GRIN2A: variants seen among roughly 807,000 people sequenced by gnomAD.
The protein encoded by GRIN2A is glutamate receptor ionotropic, NMDA 2A.
In GRIN2A, 22 loss-of-function variants were observed where a neutral mutation model predicts 113.4. That is an observed-to-expected ratio of 0.19 (90% CI 0.14 to 0.28). GRIN2A has a LOEUF of 0.28. GRIN2A is among the 10% of genes least tolerant of loss of function. The pLI is 1.00. For missense variants in GRIN2A, 1,502 were observed against 1,887.0 expected (o/e 0.80, Z 3.78); for synonymous variants, 827 against 738.4 (o/e 1.12, Z -1.94).
At chr16:10,001,343 G>A (rs2046316361) in intron 2 of GRIN2A, among the ~76,000 whole-genome samples, 2 of 152,140 alleles carry the variant, frequency 1.3e-5, no homozygotes, top group Non-Finnish European at 2.9e-5. Context: ...GGATTCACCT[G>A]GTTGCAAGTG....
At chr16:10,066,620 A>T (rs2047653939) in intron 2 of GRIN2A, among the ~76,000 whole-genome samples, 1 of 152,158 alleles carries the variant, frequency 6.6e-6, no homozygotes, top group African/African-American at 2.4e-5. Context: ...CCATGTTTCC[A>T]CCCAGGATCT....
chr16:10,137,406 C>T (rs2049218873), intron 2 of GRIN2A, among the ~76,000 whole-genome samples: 1 of 152,192 alleles, frequency 6.6e-6, no homozygotes, highest in Non-Finnish European at 1.5e-5. Context: ...TTCCTATTTT[C>T]TCCATCTTAG....
chr16:10,078,843 G>A (rs923422716), intron 2 of GRIN2A, among the ~76,000 whole-genome samples: 3 of 152,204 alleles, frequency 2.0e-5, no homozygotes, highest in African/African-American at 4.8e-5. Context: ...CCCGGAAAGG[G>A]AGCATGCTGA....
At chr16:9,778,977 C>G (rs1292731557) in intron 11 of GRIN2A, among the ~76,000 whole-genome samples, 1 of 152,178 alleles carries the variant, frequency 6.6e-6, no homozygotes, top group South Asian at 2.1e-4. Flanking sequence ...ACATCCTGGG[C>G]AGGGAGGGTG....
intron 9 of GRIN2A, among the ~76,000 whole-genome samples, chr16:9,825,669 T>C (rs2042374823): frequency 6.6e-6 from 1 of 152,164 alleles, no homozygotes; most frequent in Admixed American, 6.6e-5. Flanking sequence ...TAGTACAGTC[T>C]TCTGTTGGTG....
chr16:10,139,996 A>G (rs1471984246), intron 2 of GRIN2A, among the ~76,000 whole-genome samples: 5 of 152,130 alleles, frequency 3.3e-5, no homozygotes, highest in African/African-American at 1.2e-4. Context: ...TAAATGAGAA[A>G]TAGGAATCTA....
chr16:9,976,431 C>T (rs1003275828), intron 2 of GRIN2A, among the ~76,000 whole-genome samples: 3 of 152,170 alleles, frequency 2.0e-5, no homozygotes, highest in African/African-American at 7.2e-5. Flanking sequence ...GCTGCCAGAT[C>T]CCGGTGTTCT....
In GRIN2A at chr16:9,763,921, C is replaced by A. The variant is rs780055204; in HGVS notation, c.3623G>T (p.Arg1208Leu). Reference sequence around the variant, plus strand: ...GCTTCTGCAGTGCGTGGAGTTCTGCCGGTATCGCTCGCTGGTCTCACTGTG... The same window carrying A: ...GCTTCTGCAGTGCGTGGAGTTCTGCAGGTATCGCTCGCTGGTCTCACTGTG... Reference protein sequence around the residue: ...SPHSETSERYRQNSTHCRSCL... With the variant: ...SPHSETSERYLQNSTHCRSCL... The change falls in exon 13 of 13, where the codon CGG (arginine) becomes CTG (leucine). Residue 1208 changes from arginine to leucine, a missense_variant. Transcript: ENST00000330684. 2 of 1,614,018 alleles carry A rather than the reference C, an allele frequency of 1.2e-6. No homozygotes were observed. The highest frequency in any genetic ancestry group is 1.1e-5 in the South Asian group (1 of 91,058).
chr16:10,171,608 A>C (rs1279684504), intron 2 of GRIN2A: 1 of 152,262 alleles, frequency 6.6e-6, no homozygotes, highest in Non-Finnish European at 1.5e-5. Flanking sequence ...CACTTCTGAC[A>C]GTTCTGTGGG....
At position 9,761,937 on chromosome 16, in the gene GRIN2A, G is replaced by A. The variant is rs1014531; in HGVS notation, c.*1212C>T. Reference sequence around the variant, plus strand: ...ATCCACAGTTTGGAGGATACTCAGGGTAGATCCAAGAGTGCCTCGTGTTTT... The same window carrying A: ...ATCCACAGTTTGGAGGATACTCAGGATAGATCCAAGAGTGCCTCGTGTTTT... On this transcript the variant is annotated 3_prime_UTR_variant, in exon 13 of 13. Coordinates refer to ENST00000330684, the MANE Select transcript of GRIN2A (RefSeq NM_001134407.3). The A allele has an allele frequency of 0.34, 69,754 of 203,760 alleles. 12,524 individuals are homozygous for A. Among genetic ancestry groups the A allele is most frequent in the Non-Finnish European group, 0.41 (40,531 of 99,350 alleles). 12.6% of individuals were successfully genotyped at this position (203,760 alleles called of 1,614,324 possible). A position where few individuals can be genotyped will look rare whatever the true frequency, so the allele number is the denominator to read the frequency against.
At chr16:9,783,334 C>A (rs1218258126) in intron 11 of GRIN2A, among the ~76,000 whole-genome samples, 2 of 152,200 alleles carry the variant, frequency 1.3e-5, no homozygotes, top group African/African-American at 4.8e-5. Context: ...CCGATTTAAT[C>A]GATAGAAGTG....
intron 4 of GRIN2A, among the ~76,000 whole-genome samples, chr16:9,857,820 A>G (rs1481769146): frequency 1.3e-5 from 2 of 152,226 alleles, no homozygotes; most frequent in African/African-American, 2.4e-5. Context: ...AGATTATTTC[A>G]TGTTTTAACT....
intron 11 of GRIN2A, among the ~76,000 whole-genome samples, chr16:9,790,615 A>G (rs1902549697): frequency 6.6e-6 from 1 of 152,206 alleles, no homozygotes; most frequent in African/African-American, 2.4e-5. Context: ...ATTTGCCTCT[A>G]TCTTGTGGTG....
chr16:9,869,623 T>A lies in GRIN2A; in HGVS notation c.1123-19662A>T, dbSNP rs1341712339. Among the ~76,000 whole-genome samples the A allele has an allele frequency of 2.0e-5, 3 of 152,306 alleles. No individual in the cohort carries two copies. The East Asian group carries it at 5.8e-4, about 29-fold the overall frequency. ...CTTCTGCTTACCAGCTATATGAACT[T>A]GACTAACTTTACTTCTTGGACATCA... On this transcript the variant is annotated intron_variant, in intron 4 of 12. Transcript: ENST00000330684.
At chr16:10,093,922 G>A (rs915975646) in intron 2 of GRIN2A, among the ~76,000 whole-genome samples, 2 of 152,156 alleles carry the variant, frequency 1.3e-5, no homozygotes, top group African/African-American at 4.8e-5. Context: ...ACGTAGTGTG[G>A]TTTCTCTCCT....
chr16:9,821,906 A>C (rs2042291698), intron 10 of GRIN2A, among the ~76,000 whole-genome samples: 1 of 152,164 alleles, frequency 6.6e-6, no homozygotes, highest in Admixed American at 6.6e-5. Context: ...AAAACCTCCT[A>C]CCTAAAATCT....
At chr16:10,016,724 G>C (rs985333993) in intron 2 of GRIN2A, among the ~76,000 whole-genome samples, 7 of 152,172 alleles carry the variant, frequency 4.6e-5, no homozygotes, top group East Asian at 1.9e-4. Flanking sequence ...CTCCACATTA[G>C]GGCAAAGTGA....
At chr16:10,176,089 C>T (rs1286896611) in intron 2 of GRIN2A, among the ~76,000 whole-genome samples, 1 of 149,786 alleles carries the variant, frequency 6.7e-6, no homozygotes, top group Non-Finnish European at 1.5e-5. Context: ...GCTGCAACCT[C>T]CACCTCCCAG....
chr16:10,166,627 T>C (rs1434106405), intron 2 of GRIN2A, among the ~76,000 whole-genome samples: 1 of 152,200 alleles, frequency 6.6e-6, no homozygotes, highest in Non-Finnish European at 1.5e-5. Flanking sequence ...TCTCTCCAGC[T>C]AGATTCTGAA....
Sources: allele counts gnomAD v4.1 joint callset (sites outside exome capture counted in the v4.1 genomes callset), GRCh38; gene constraint gnomAD v4.1.1; transcripts MANE v1.5; gene names NCBI Gene and HGNC (gene_info 2026-07-23, HGNC 2026-07-21).